CEP126: variants seen among roughly 807,000 people sequenced by gnomAD.
The protein encoded by CEP126 is centrosomal protein 126.
In CEP126, 74 loss-of-function variants were observed where a neutral mutation model predicts 107.8. The ratio of observed to expected loss-of-function variants is 0.69; its 90% CI spans 0.57 to 0.83. The LOEUF (loss-of-function observed/expected upper bound fraction) is 0.83. Among genes scored for constraint, CEP126 ranks in the 40% least tolerant of loss-of-function variants. CEP126 has a pLI of 0.00. For synonymous variants in CEP126, 449 were observed against 446.0 expected (o/e 1.01, Z -0.08); for missense variants, 1,237 against 1,281.9 (o/e 0.96, Z 0.53).
chr11:101,917,136 T>C (rs1046944902), intron 1 of CEP126, among the ~76,000 whole-genome samples: 6 of 151,938 alleles, frequency 3.9e-5, no homozygotes, highest in African/African-American at 9.7e-5. Flanking sequence ...TTAGATAATA[T>C]ATATTTAAAT....
chr11:101,965,044 G>T lies in CEP126; in HGVS notation c.2845+1164G>T, dbSNP rs565483493. On this transcript the variant is annotated intron_variant, in intron 6 of 10. Transcript: ENST00000263468. Reference sequence around the variant, plus strand: ...TTATCTGCTATGACTATTGGTTTTTGTGAGAGCAAAAAAATGATATCATTG... The same window carrying T: ...TTATCTGCTATGACTATTGGTTTTTTTGAGAGCAAAAAAATGATATCATTG... Among the ~76,000 whole-genome samples, 4 of 152,118 alleles carry T rather than the reference G, an allele frequency of 2.6e-5. No homozygotes were observed. In the South Asian group the frequency reaches 8.3e-4, roughly 32 times the overall value.
intron 6 of CEP126, among the ~76,000 whole-genome samples, chr11:101,977,630 CAA>C (rs952859970): frequency 5.7e-5 from 3 of 52,650 alleles, no homozygotes; most frequent in Non-Finnish European, 7.9e-5. Context: ...GACTCTGTCT[CAA>C]AAAAAAAAAA....
At chr11:101,939,113 ATT>A (rs1309849743) in intron 2 of CEP126, among the ~76,000 whole-genome samples, 1 of 152,190 alleles carries the variant, frequency 6.6e-6, no homozygotes, top group Admixed American at 6.5e-5. Flanking sequence ...AATATTCTAT[ATT>A]CTTACTGATA....
At chr11:101,928,975 G>GA (rs1333440569) in intron 2 of CEP126, among the ~76,000 whole-genome samples, 1 of 152,158 alleles carries the variant, frequency 6.6e-6, no homozygotes. Context: ...GTGGGATGGG[G>GA]AAAACTGACA....
chr11:101,921,572 T>C (rs1940326403), intron 1 of CEP126, among the ~76,000 whole-genome samples: 1 of 151,596 alleles, frequency 6.6e-6, no homozygotes, highest in Non-Finnish European at 1.5e-5. Context: ...CTAGGTGTGG[T>C]GGCACATGCC....
intron 2 of CEP126, among the ~76,000 whole-genome samples, chr11:101,942,374 T>G (rs1219518163): frequency 6.6e-6 from 1 of 152,062 alleles, no homozygotes; most frequent in Non-Finnish European, 1.5e-5. Context: ...CTGTAAAGAT[T>G]GTCCTTTTCT....
chr11:101,957,124 A>G (rs938256134), intron 4 of CEP126, among the ~76,000 whole-genome samples: 4 of 152,198 alleles, frequency 2.6e-5, no homozygotes, highest in African/African-American at 9.6e-5. Flanking sequence ...TAAATGTGTG[A>G]TCACAAAGGG....
intron 4 of CEP126, among the ~76,000 whole-genome samples, chr11:101,951,596 G>A (rs1940813848): frequency 6.6e-6 from 1 of 151,688 alleles, no homozygotes; most frequent in African/African-American, 2.4e-5. Context: ...AAGAATTGGA[G>A]AATAGACAGA....
At chr11:101,988,681 C>T (rs970345237) in intron 9 of CEP126, among the ~76,000 whole-genome samples, 4 of 151,822 alleles carry the variant, frequency 2.6e-5, no homozygotes, top group African/African-American at 9.7e-5. Context: ...AATTTAATAC[C>T]TTCTTAACAT....
intron 2 of CEP126, among the ~76,000 whole-genome samples, chr11:101,941,064 T>G (rs1940657430): frequency 6.6e-6 from 1 of 152,276 alleles, no homozygotes; most frequent in South Asian, 2.1e-4. Context: ...GAATGTAGAA[T>G]TTGGAGCTTT....
intron 6 of CEP126, among the ~76,000 whole-genome samples, chr11:101,970,573 G>A (rs1011209383): frequency 1.3e-5 from 2 of 150,928 alleles, no homozygotes; most frequent in Non-Finnish European, 3.0e-5. Context: ...GCCAAATGAT[G>A]TTGACACATT....
intron 7 of CEP126, 134 bp from the exon 8 acceptor site, chr11:101,981,755 A>C (rs943617704): frequency 1.9e-6 from 1 of 538,930 alleles, no homozygotes; most frequent in African/African-American, 2.0e-5. Context: ...GCTCTAAAAA[A>C]TGTAATATAC....
At position 101,963,377 on chromosome 11, in the gene CEP126, C is replaced by A. The variant is rs762327748; in HGVS notation, c.2342C>A (p.Pro781Gln). The A allele has an allele frequency of 6.2e-7, 1 of 1,614,102 alleles. No individual in the cohort carries two copies. Residue 781 changes from proline (P) to glutamine (Q), a missense_variant, in exon 6 of 11, where the codon CCA (proline) becomes CAA (glutamine). Around this residue, in one of 3 missense-constraint regions of CEP126, gnomAD observed 1,134 missense variants for 1,150.5 expected, o/e 0.99. Coordinates refer to ENST00000263468, the MANE Select transcript of CEP126 (RefSeq NM_020802.4). ...AACAGAAAAGGCGCTGTCATTCAAC[C>A]ACAGTCTGCAAGCAAAGTCAACATA... ...CTNRKGAVIQ[P>Q]QSASKVNIFT...
At chr11:101,956,270 G>T (rs1327769759) in intron 4 of CEP126, 1 of 456,324 alleles carries the variant, frequency 2.2e-6, no homozygotes. Flanking sequence ...AGCTCCACTG[G>T]TTGTTTCCCC....
chr11:101,944,201 A>AT, intron 2 of CEP126, 64 bp from the exon 3 acceptor site: 1 of 1,386,782 alleles, frequency 7.2e-7, no homozygotes, highest in South Asian at 1.5e-5. Context: ...TAAATGCGTC[A>AT]TTTTGAAACT....
chr11:101,991,518 G>A (rs538336824), intron 9 of CEP126, among the ~76,000 whole-genome samples: 84 of 152,268 alleles, frequency 5.5e-4, no homozygotes, highest in African/African-American at 1.9e-3. Flanking sequence ...AGGTTATGGT[G>A]GGAAAGATGA....
At chr11:101,925,085 G>A (rs1342051449) in intron 2 of CEP126, among the ~76,000 whole-genome samples, 2 of 152,012 alleles carry the variant, frequency 1.3e-5, no homozygotes, top group Non-Finnish European at 2.9e-5. Context: ...GTAGATGCTG[G>A]TTATCTTTTA....
intron 10 of CEP126, 124 bp from the exon 11 acceptor site, chr11:101,997,475 T>C: frequency 6.8e-7 from 1 of 1,474,354 alleles, no homozygotes; most frequent in Non-Finnish European, 9.2e-7. Context: ...AATCTTAAAC[T>C]CATTACCTGG....
intron 10 of CEP126, among the ~76,000 whole-genome samples, chr11:101,993,463 A>T (rs556684104): frequency 3.0e-4 from 45 of 152,262 alleles, no homozygotes; most frequent in African/African-American, 1.1e-3. Flanking sequence ...TCTACCATTG[A>T]TGGGCATTTA....
Sources: gnomAD v4.1 joint callset for allele counts (sites outside exome capture counted in the v4.1 genomes callset) on GRCh38, gnomAD v4.1.1 for gene constraint, gnomAD v4.1.1 regional missense constraint, MANE v1.5 for transcripts, NCBI Gene and HGNC (gene_info 2026-07-23, HGNC 2026-07-21) for gene names.